The following ZMYM6 variants were observed in gnomAD, a reference collection of about 807,000 sequenced individuals.
The protein encoded by ZMYM6 is zinc finger MYM-type containing 6, also known as zinc finger MYM-type protein 6.
In ZMYM6, 90 loss-of-function variants were observed where a neutral mutation model predicts 134.0. The ratio of observed to expected loss-of-function variants is 0.67; its 90% CI spans 0.57 to 0.80. ZMYM6 has a LOEUF of 0.80. ZMYM6 is among the 30% of genes least tolerant of loss of function. The probability of loss-of-function intolerance (pLI) is 0.00; values close to 1 mark genes in which losing one functional copy is unlikely to be tolerated. For missense variants in ZMYM6, 1,362 were observed against 1,533.9 expected, an observed-to-expected ratio of 0.89 and a Z score of 1.87; for synonymous variants, 481 against 524.1, an observed-to-expected ratio of 0.92 and a Z score of 1.12.
intron 15 of ZMYM6, chr1:34,992,004 C>A: frequency 1.8e-6 from 1 of 565,284 alleles, no homozygotes; most frequent in Non-Finnish European, 3.1e-6. Flanking sequence ...ATCACTAATG[C>A]TTTTAACTAA....
chr1:35,021,714 T>C (rs1251033362), intron 2 of ZMYM6, among the ~76,000 whole-genome samples: 4 of 152,246 alleles, frequency 2.6e-5, no homozygotes, highest in African/African-American at 9.6e-5. Flanking sequence ...GCCTTTTCTG[T>C]TAATGGCAGA....
chr1:34,995,136 CACACACACACAT>C lies in ZMYM6; in HGVS notation c.1993-2761_1993-2750del, dbSNP rs906968814. Among the ~76,000 whole-genome samples, 21 of 142,296 alleles carry C rather than the reference CACACACACACAT, an allele frequency of 1.5e-4. No homozygotes were observed. In the East Asian group the frequency reaches 2.6e-3, roughly 18 times the overall value. 93.4% of individuals were successfully genotyped at this position (142,296 alleles called of 152,430 possible). On this transcript the variant is annotated intron_variant, in intron 14 of 15. Coordinates refer to ENST00000357182, the MANE Select transcript of ZMYM6 (RefSeq NM_007167.4). ...ATATATGTATACATATACATATATACACACACACACATACACACACACATATGTATGTGTGTA... is the reference window on the plus strand; with the variant it reads ...ATATATGTATACATATACATATATACACACACACACATATGTATGTGTGTA...
intron 2 of ZMYM6, among the ~76,000 whole-genome samples, chr1:35,021,222 C>A (rs1165994703): frequency 6.6e-6 from 1 of 150,424 alleles, no homozygotes; most frequent in East Asian, 2.0e-4. Context: ...CTTACTGCAA[C>A]CTCCAACACC....
At chr1:35,030,303 T>C in intron 2 of ZMYM6, 1 of 439,528 alleles carries the variant, frequency 2.3e-6, no homozygotes, top group South Asian at 3.8e-5. Flanking sequence ...TGTTGGTGTG[T>C]GCCCTGTGGT....
At chr1:35,029,379 T>C (rs1424201054) in intron 2 of ZMYM6, among the ~76,000 whole-genome samples, 1 of 152,218 alleles carries the variant, frequency 6.6e-6, no homozygotes, top group Non-Finnish European at 1.5e-5. Context: ...CTAACTGTGA[T>C]CTGTGGTAAA....
At chr1:35,026,134 C>T (rs1378605786) in intron 2 of ZMYM6, among the ~76,000 whole-genome samples, 1 of 152,104 alleles carries the variant, frequency 6.6e-6, no homozygotes, top group Non-Finnish European at 1.5e-5. Context: ...GATTCTCATG[C>T]CTCAGCCTCC....
At position 35,012,538 on chromosome 1, in the gene ZMYM6, C is replaced by G. The variant is rs574713128; in HGVS notation, c.839G>C (p.Arg280Thr). 2 of 1,613,396 alleles carry G rather than the reference C, an allele frequency of 1.2e-6. No individual in the cohort carries two copies. The highest frequency in any genetic ancestry group is 3.3e-4 in the Middle Eastern group (2 of 6,054). ...IPPYALGKSL[R>T]PSAEMIETTN... ...AGTCTCAATCATTTCAGCTGAGGGC[C>G]TCAATGACTTCCCCAGGGCATATGG... is the stretch of plus-strand genomic sequence containing the variant. Residue 280 changes from arginine to threonine, a missense_variant, in exon 7 of 16, where the codon AGG (arginine) becomes ACG (threonine). Physicochemically the swap from Arg to Thr is moderately conservative, Grantham distance 71. Around this residue, in one of 3 missense-constraint regions of ZMYM6, gnomAD observed 503 missense variants for 520.8 expected, o/e 0.97. Coordinates refer to ENST00000357182, the MANE Select transcript of ZMYM6 (RefSeq NM_007167.4).
chr1:35,013,609 G>A (rs895494711), intron 6 of ZMYM6: 4 of 985,224 alleles, frequency 4.1e-6, no homozygotes, highest in East Asian at 1.1e-4. Context: ...ATTACCAACT[G>A]CTCAAAGGAA....
chr1:35,006,068 C>T (rs1284459980), intron 12 of ZMYM6, among the ~76,000 whole-genome samples: 1 of 152,212 alleles, frequency 6.6e-6, no homozygotes, highest in Non-Finnish European at 1.5e-5. Context: ...AGTGCCATGG[C>T]ATGATCTCGG....
rs1004897423 is a variant in ZMYM6, at chr1:34,999,479, A to G, written c.1992+4489T>C. 1.4e-4 allele frequency among the ~76,000 whole-genome samples: 22 copies of G among 152,300 alleles called. No homozygotes were observed. The South Asian group carries it at 1.7e-3, about 11-fold the overall frequency. ...GGTGTTAAAAAAGGATTATTCTCAG[A>G]TAAGATGTAGGACTGCATATTTTTG... is the stretch of plus-strand genomic sequence containing the variant. On this transcript the variant is annotated intron_variant, in intron 14 of 15. Transcript: ENST00000357182.
intron 14 of ZMYM6, among the ~76,000 whole-genome samples, chr1:34,995,726 G>A (rs144247188): frequency 3.3e-5 from 5 of 152,174 alleles, no homozygotes; most frequent in African/African-American, 4.8e-5. Flanking sequence ...TAAAACTTAC[G>A]AATTGTTTAT....
chr1:35,026,061 TCC>T (rs1289545991), intron 2 of ZMYM6, among the ~76,000 whole-genome samples: 32 of 152,202 alleles, frequency 2.1e-4, no homozygotes, highest in African/African-American at 7.5e-4. Context: ...CCCTTTGTCG[TCC>T]AGATTGGAGT....
At chr1:35,020,503 A>C in intron 2 of ZMYM6, 36 bp from the exon 3 acceptor site, 2 of 1,509,190 alleles carry the variant, frequency 1.3e-6, no homozygotes, top group African/African-American at 1.4e-5. Context: ...AAGAGCAATG[A>C]ATACAATGTA....
chr1:34,988,988 C>T, intron 15 of ZMYM6, 53 bp from the exon 16 acceptor site: 1 of 1,565,788 alleles, frequency 6.4e-7, no homozygotes, highest in African/African-American at 1.4e-5. Context: ...AAGCAATGTT[C>T]TTTATGTATC....
In ZMYM6 at chr1:35,005,629, C is replaced by CAAA. The variant is rs1182722333; in HGVS notation, c.1814-360_1814-358dup. On this transcript the variant is annotated intron_variant, in intron 12 of 15. Coordinates refer to ENST00000357182, the MANE Select transcript of ZMYM6 (RefSeq NM_007167.4). ...TGGGCAACATAGCAAAACCTAGTCT[C>CAAA]AAAAAAAAAAAAAAAAAAAAAAGAC... Among the ~76,000 whole-genome samples, 184 of 59,122 alleles carry CAAA rather than the reference C, an allele frequency of 3.1e-3. 2 individuals carry two copies. The highest frequency in any genetic ancestry group is 7.1e-3 in the African/African-American group (158 of 22,338). 38.8% of individuals were successfully genotyped at this position (59,122 alleles called of 152,430 possible). A position where few individuals can be genotyped will look rare whatever the true frequency, so the allele number is the denominator to read the frequency against.
At chr1:35,015,760 A>ATATATG (rs1238961071) in intron 4 of ZMYM6, among the ~76,000 whole-genome samples, 63 of 139,374 alleles carry the variant, frequency 4.5e-4, no homozygotes, top group African/African-American at 1.6e-3. Context: ...ATATATATAT[A>ATATATG]TGTGGCCAGC....
At chr1:35,021,230 A>G (rs963057469) in intron 2 of ZMYM6, among the ~76,000 whole-genome samples, 2 of 148,470 alleles carry the variant, frequency 1.3e-5, no homozygotes, top group Non-Finnish European at 3.0e-5. Flanking sequence ...AACCTCCAAC[A>G]CCCAGGTTCA....
chr1:35,019,583 G>A lies in ZMYM6; in HGVS notation c.198C>T (p.Gly66=), dbSNP rs1216142362. Reference sequence around the variant, plus strand: ...CAGATGATGCAAAAGAAAGCTGAAAGCCTGGGTTCAACTGCTGGGCTATCA... The same window carrying A: ...CAGATGATGCAAAAGAAAGCTGAAAACCTGGGTTCAACTGCTGGGCTATCA... ...ERPIAQQLNP[G]FQLSFASSGP... Residue 66 remains glycine, a synonymous_variant, in exon 4 of 16, where the codon GGC becomes GGT. Coordinates refer to ENST00000357182, the MANE Select transcript of ZMYM6 (RefSeq NM_007167.4). The A allele has an allele frequency of 6.3e-7, 1 of 1,599,708 alleles. No individual in the cohort carries two copies. Among genetic ancestry groups the A allele is most frequent in the South Asian group, 1.1e-5 (1 of 87,802 alleles).
Position 34,987,499 on chromosome 1 carries a change from A to G in ZMYM6, c.3583T>C (p.Ser1195Pro). 6.2e-7 allele frequency: 1 copy of G among 1,613,152 alleles called. No homozygotes were observed. The change falls in exon 16 of 16, where the codon TCT becomes CCT. Residue 1195 changes from serine to proline, a missense_variant. Physicochemically the swap from Ser to Pro is moderately conservative, Grantham distance 74. This residue lies in a region of ZMYM6 where 824 missense variants were observed against 940.9 expected (regional missense o/e 0.88). Coordinates refer to ENST00000357182, the MANE Select transcript of ZMYM6 (RefSeq NM_007167.4). ...RIIFEHLEGLSQVFSDCFPPE... is the reference protein window; with the variant it reads ...RIIFEHLEGLPQVFSDCFPPE... ...GGAAAACAGTCACTGAACACTTGAGAAAGTCCTTCCAGGTGCTCAAAAATA... is the reference window on the plus strand; with the variant it reads ...GGAAAACAGTCACTGAACACTTGAGGAAGTCCTTCCAGGTGCTCAAAAATA...
Sources: allele counts gnomAD v4.1 joint callset (sites outside exome capture counted in the v4.1 genomes callset), GRCh38; gene constraint gnomAD v4.1.1; regional missense constraint gnomAD v4.1.1; transcripts MANE v1.5; gene names NCBI Gene and HGNC (gene_info 2026-07-23, HGNC 2026-07-21).